Variants in FBXL20 observed in about 807,000 individuals in gnomAD.
The protein encoded by FBXL20 is F-box and leucine rich repeat protein 20.
FBXL20 carries 11 observed loss-of-function variants against 64.0 expected under a neutral mutation model. That is an observed-to-expected ratio of 0.17 (90% CI 0.11 to 0.28). The LOEUF is 0.28. FBXL20 is among the 10% of genes least tolerant of loss of function. The pLI, the probability that FBXL20 is intolerant of heterozygous loss-of-function variation, is 1.00. For synonymous variants in FBXL20, 184 were observed against 189.0 expected, an observed-to-expected ratio of 0.97 and a Z score of 0.22; for missense variants, 303 against 526.2, an observed-to-expected ratio of 0.58 and a Z score of 4.15.
chr17:39,330,750 T>C (rs2047452631), intron 2 of FBXL20, among the ~76,000 whole-genome samples: 1 of 152,206 alleles, frequency 6.6e-6, no homozygotes, highest in Non-Finnish European at 1.5e-5. Context: ...TGTTTTTATT[T>C]TTCCTCCAGG....
intron 1 of FBXL20, among the ~76,000 whole-genome samples, chr17:39,390,370 G>A (rs1408436317): frequency 6.6e-6 from 1 of 151,972 alleles, no homozygotes; most frequent in East Asian, 1.9e-4. Flanking sequence ...AGACTAGCCT[G>A]ACCAACATGG....
intron 1 of FBXL20, among the ~76,000 whole-genome samples, chr17:39,389,749 C>T (rs2048118074): frequency 6.6e-6 from 1 of 152,154 alleles, no homozygotes; most frequent in Admixed American, 6.6e-5. Context: ...ACCCAGGAGG[C>T]GGAACTTGCA....
intron 11 of FBXL20, among the ~76,000 whole-genome samples, chr17:39,269,359 A>G (rs1043479490): frequency 6.6e-6 from 1 of 151,528 alleles, no homozygotes; most frequent in African/African-American, 2.4e-5. Flanking sequence ...ACGCCTGGCT[A>G]ATTTTTTGCA....
At chr17:39,383,096 G>A (rs867514201) in intron 1 of FBXL20, among the ~76,000 whole-genome samples, 36 of 149,238 alleles carry the variant, frequency 2.4e-4, no homozygotes, top group Middle Eastern at 6.8e-3. Context: ...CCGGGAGGCA[G>A]AGGTTGCAGT....
At chr17:39,293,951 C>G (rs939885045) in intron 6 of FBXL20, among the ~76,000 whole-genome samples, 18 of 151,908 alleles carry the variant, frequency 1.2e-4, no homozygotes, top group Admixed American at 2.0e-4. Flanking sequence ...TGGGCTCCCC[C>G]TCCCTCTATG....
chr17:39,297,882 C>T (rs548666464), intron 5 of FBXL20, among the ~76,000 whole-genome samples: 70 of 151,906 alleles, frequency 4.6e-4, no homozygotes, highest in Admixed American at 2.5e-3. Context: ...ATTACAGGCA[C>T]GCACCACCAT....
At chr17:39,273,593 C>CGAGGTGGGCAGATCATGAGGT (rs1354653644) in intron 10 of FBXL20, among the ~76,000 whole-genome samples, 1 of 151,580 alleles carries the variant, frequency 6.6e-6, no homozygotes, top group Non-Finnish European at 1.5e-5. Flanking sequence ...TTTGGGAGGC[C>CGAGGTGGGCAGATCATGAGGT]GAGGTGGGCA....
At chr17:39,371,530 C>T (rs1331936055) in intron 1 of FBXL20, among the ~76,000 whole-genome samples, 4 of 152,294 alleles carry the variant, frequency 2.6e-5, no homozygotes, top group Non-Finnish European at 5.9e-5. Flanking sequence ...TAATTGGCTC[C>T]TGACTTCCAT....
At chr17:39,372,054 A>T (rs2047923303) in intron 1 of FBXL20, among the ~76,000 whole-genome samples, 1 of 152,124 alleles carries the variant, frequency 6.6e-6, no homozygotes, top group South Asian at 2.1e-4. Flanking sequence ...TAGTCTCCTG[A>T]AGCACTTGGG....
chr17:39,361,243 CATCA>C (rs1846797602), intron 1 of FBXL20, among the ~76,000 whole-genome samples: 1 of 151,936 alleles, frequency 6.6e-6, no homozygotes, highest in Admixed American at 6.6e-5. Flanking sequence ...AGAGAAGAGC[CATCA>C]ATCAGAGAAG....
chr17:39,391,847 GAA>G (rs748502324), intron 1 of FBXL20, among the ~76,000 whole-genome samples: 1 of 136,738 alleles, frequency 7.3e-6, no homozygotes. Context: ...CTCTAAAAAG[GAA>G]AAAAAAAAAA....
chr17:39,385,520 G>C (rs2048069814), intron 1 of FBXL20, among the ~76,000 whole-genome samples: 1 of 152,076 alleles, frequency 6.6e-6, no homozygotes, highest in African/African-American at 2.4e-5. Context: ...TCCTATAACT[G>C]TCTTATTTTA....
intron 1 of FBXL20, among the ~76,000 whole-genome samples, chr17:39,396,324 C>T (rs1470429231): frequency 1.3e-5 from 2 of 151,948 alleles, no homozygotes; most frequent in Admixed American, 6.6e-5. Context: ...GGCCGGGTGT[C>T]GTGGCTCACA....
At position 39,261,256 on chromosome 17, in the gene FBXL20, C is replaced by T. The variant is rs1337138707; in HGVS notation, c.*204G>A. On this transcript the variant is annotated 3_prime_UTR_variant, in exon 15 of 15. Transcript: ENST00000264658. ...TTGATAAAAAAGCCATCACAAACTT[C>T]AGTCCCATGGTCACAAAGCTAGAGT... 2 of 506,300 alleles carry T rather than the reference C, an allele frequency of 4.0e-6. No homozygotes were observed. The highest frequency in any genetic ancestry group is 3.6e-6 in the Non-Finnish European group (1 of 280,682). The allele number at this position is 506,300 out of a possible 1,614,324, so 31.4% of individuals were successfully genotyped here. A position where few individuals can be genotyped will look rare whatever the true frequency, so the allele number is the denominator to read the frequency against.
chr17:39,364,806 T>C (rs1264652156), intron 1 of FBXL20, among the ~76,000 whole-genome samples: 1 of 151,978 alleles, frequency 6.6e-6, no homozygotes, highest in Non-Finnish European at 1.5e-5. Context: ...GGTCTCAGAG[T>C]ATAAGTGAGG....
intron 14 of FBXL20, among the ~76,000 whole-genome samples, chr17:39,263,473 C>A (rs2046765523): frequency 6.6e-6 from 1 of 152,154 alleles, no homozygotes; most frequent in Admixed American, 6.5e-5. Flanking sequence ...CAACATCGAG[C>A]CACTGCACTC....
intron 1 of FBXL20, among the ~76,000 whole-genome samples, chr17:39,366,220 T>C (rs2047858440): frequency 6.6e-6 from 1 of 152,182 alleles, no homozygotes; most frequent in Non-Finnish European, 1.5e-5. Flanking sequence ...TACTACTCAG[T>C]GTCAGGACAA....
chr17:39,317,760 G>A (rs1220679947), intron 2 of FBXL20, among the ~76,000 whole-genome samples: 1 of 136,330 alleles, frequency 7.3e-6, no homozygotes, highest in East Asian at 2.2e-4. Context: ...GGAGTGCAGT[G>A]GCACGATCTC....
chr17:39,349,473 G>C (rs1406323656), intron 1 of FBXL20, among the ~76,000 whole-genome samples: 2 of 151,372 alleles, frequency 1.3e-5, no homozygotes, highest in East Asian at 1.9e-4. Flanking sequence ...CTATAATCCC[G>C]GCACCTTGGA....
Sources: gnomAD v4.1 joint callset for allele counts (sites outside exome capture counted in the v4.1 genomes callset) on GRCh38, gnomAD v4.1.1 for gene constraint, MANE v1.5 for transcripts, NCBI Gene and HGNC (gene_info 2026-07-23, HGNC 2026-07-21) for gene names.